The following OSBP2 variants were observed in gnomAD, a reference collection of about 807,000 sequenced individuals.
The protein encoded by OSBP2 is oxysterol binding protein 2.
OSBP2 carries 66 observed loss-of-function variants against 96.0 expected under a neutral mutation model. The ratio of observed to expected loss-of-function variants is 0.69; its 90% CI spans 0.56 to 0.84. OSBP2 has a LOEUF of 0.84. Ranked by LOEUF, OSBP2 falls within the 40% of genes least tolerant of loss-of-function variation. OSBP2 has a pLI of 0.00. For synonymous variants in OSBP2, 525 were observed against 520.9 expected (o/e 1.01, Z -0.11); for missense variants, 1,038 against 1,222.7 (o/e 0.85, Z 2.25).
chr22:30,809,740 G>A (rs2090980886), intron 2 of OSBP2, among the ~76,000 whole-genome samples: 1 of 152,228 alleles, frequency 6.6e-6, no homozygotes, highest in Non-Finnish European at 1.5e-5. Context: ...TAATGTCATG[G>A]AAGATGGATC....
At position 30,858,080 on chromosome 22, in the gene OSBP2, A is replaced by C. The variant is rs186997180; in HGVS notation, c.854-12349A>C. 7.4e-3 allele frequency among the ~76,000 whole-genome samples: 1,117 copies of C among 151,874 alleles called. 10 individuals carry two copies. Among genetic ancestry groups the C allele is most frequent in the Non-Finnish European group, 0.011 (727 of 67,952 alleles). The stretch of plus-strand genomic sequence containing the variant: ...TAGGCCTCGCCAAGGGGGACCAATC[A>C]TGGGGAGAATCACAAGATAATCAGG... On this transcript the variant is annotated intron_variant, in intron 2 of 13. Transcript: ENST00000332585.
chr22:30,815,710 T>C (rs1292575946), intron 2 of OSBP2, among the ~76,000 whole-genome samples: 1 of 152,190 alleles, frequency 6.6e-6, no homozygotes, highest in African/African-American at 2.4e-5. Flanking sequence ...ACATTATAGC[T>C]AACAGTTTCT....
chr22:30,697,282 CT>C (rs894797095), intron 1 of OSBP2, among the ~76,000 whole-genome samples: 1 of 151,846 alleles, frequency 6.6e-6, no homozygotes, highest in Non-Finnish European at 1.5e-5. Flanking sequence ...TGTCCATCTT[CT>C]TTTTTTTATT....
chr22:30,895,755 A>G (rs1008317780), intron 12 of OSBP2, among the ~76,000 whole-genome samples: 9 of 151,986 alleles, frequency 5.9e-5, no homozygotes, highest in Non-Finnish European at 8.8e-5. Flanking sequence ...CCTGGCCAAC[A>G]TGGAGAAACC....
chr22:30,863,477 C>T (rs2039267509), intron 2 of OSBP2, among the ~76,000 whole-genome samples: 1 of 152,122 alleles, frequency 6.6e-6, no homozygotes, highest in South Asian at 2.1e-4. Flanking sequence ...TTTGCATAGC[C>T]AGACTGTGAC....
At chr22:30,747,191 T>G (rs1340527755) in intron 2 of OSBP2, among the ~76,000 whole-genome samples, 1 of 152,180 alleles carries the variant, frequency 6.6e-6, no homozygotes, top group Non-Finnish European at 1.5e-5. Flanking sequence ...GAAAGCAGAC[T>G]AGTGGTTTGT....
At chr22:30,879,208 G>A (rs1438406440) in intron 3 of OSBP2, among the ~76,000 whole-genome samples, 1 of 152,214 alleles carries the variant, frequency 6.6e-6, no homozygotes, top group African/African-American at 2.4e-5. Context: ...TGTCCCTCCG[G>A]GGCCTGTGGG....
chr22:30,720,010 C>T (rs191524297), intron 1 of OSBP2, among the ~76,000 whole-genome samples: 11 of 152,270 alleles, frequency 7.2e-5, no homozygotes, highest in African/African-American at 2.6e-4. Context: ...GCTGATTGTT[C>T]CTTAAACAAC....
intron 2 of OSBP2, among the ~76,000 whole-genome samples, chr22:30,868,175 C>T (rs569320081): frequency 7.9e-5 from 12 of 152,376 alleles, no homozygotes; most frequent in South Asian, 2.1e-4. Flanking sequence ...ACACATCAGC[C>T]GTTAGAGCCT....
intron 2 of OSBP2, among the ~76,000 whole-genome samples, chr22:30,846,795 C>T (rs28819825): frequency 1.5e-3 from 228 of 152,222 alleles, no homozygotes; most frequent in African/African-American, 5.3e-3. Flanking sequence ...CTGGAAGAAA[C>T]CTCACTTAAT....
intron 2 of OSBP2, among the ~76,000 whole-genome samples, chr22:30,751,068 C>A (rs1162112943): frequency 6.6e-6 from 1 of 152,024 alleles, no homozygotes; most frequent in Admixed American, 6.6e-5. Flanking sequence ...AAATCAATTG[C>A]CAATTAGAAA....
intron 1 of OSBP2, among the ~76,000 whole-genome samples, chr22:30,712,081 T>G (rs1218020258): frequency 1.3e-5 from 2 of 152,144 alleles, no homozygotes; most frequent in African/African-American, 4.8e-5. Flanking sequence ...CAATGGCAAG[T>G]GGGTCCATGG....
rs544751584 is a variant in OSBP2 at position 30,730,811 on chromosome 22, T to TATATATATAA, written c.645-10350_645-10349insATATATATAA. ...ATATATATATATATATATATATAAT[T>TATATATATAA]TTTTTTTTTTTTCCCATGGACATTT... On this transcript the variant is annotated intron_variant, in intron 1 of 13. Coordinates refer to ENST00000332585, the MANE Select transcript of OSBP2 (RefSeq NM_030758.4). Among the ~76,000 whole-genome samples, 4 of 69,562 alleles carry TATATATATAA rather than the reference T, an allele frequency of 5.8e-5. 1 individual carries two copies. Among genetic ancestry groups the TATATATATAA allele is most frequent in the African/African-American group, 2.9e-4 (4 of 13,680 alleles). 45.6% of individuals were successfully genotyped at this position (69,562 alleles called of 152,430 possible). A position where few individuals can be genotyped will look rare whatever the true frequency, so the allele number is the denominator to read the frequency against.
intron 2 of OSBP2, among the ~76,000 whole-genome samples, chr22:30,792,893 G>C (rs2090697090): frequency 6.6e-6 from 1 of 152,178 alleles, no homozygotes; most frequent in South Asian, 2.1e-4. Flanking sequence ...TGTGCCTACT[G>C]TGTGCCTGGC....
intron 1 of OSBP2, among the ~76,000 whole-genome samples, chr22:30,732,052 C>G (rs1349937395): frequency 6.6e-6 from 1 of 152,086 alleles, no homozygotes; most frequent in Admixed American, 6.6e-5. Flanking sequence ...GCCTGTAATC[C>G]CAGCACTTTG....
chr22:30,748,355 C>G lies in OSBP2; in HGVS notation c.853+6986C>G, dbSNP rs1031050106. Among the ~76,000 whole-genome samples, 15 of 152,082 alleles carry G rather than the reference C, an allele frequency of 9.9e-5. 1 individual carries two copies. The highest frequency in any genetic ancestry group is 2.1e-4 in the South Asian group (1 of 4,814). ...CAAAGTGCTGGGATTACAGGTGTGA[C>G]CCACTGCACCTGGCCTAAACTAAAA... On this transcript the variant is annotated intron_variant, in intron 2 of 13. Transcript: ENST00000332585.
chr22:30,889,214 G>C lies in OSBP2; in HGVS notation c.1456G>C (p.Asp486His). Residue 486 changes from aspartate (D) to histidine (H), a missense_variant, in exon 6 of 14, where the codon GAC becomes CAC. This residue lies in a region of OSBP2 where 737 missense variants were observed against 913.3 expected (regional missense o/e 0.81). Coordinates refer to ENST00000332585, the MANE Select transcript of OSBP2 (RefSeq NM_030758.4). ...AGGTAGCACCGGGACAAGTTCCGTG[G>C]ACTGGAGCTCAGCAGACAATGTAAG... ...AEGSTGTSSV[D>H]WSSADNVLDG... 1 of 1,613,504 alleles carries C rather than the reference G, an allele frequency of 6.2e-7. No individual in the cohort carries two copies. Among genetic ancestry groups the C allele is most frequent in the Non-Finnish European group, 8.5e-7 (1 of 1,179,918 alleles).
intron 1 of OSBP2, among the ~76,000 whole-genome samples, chr22:30,698,112 A>G (rs1055131384): frequency 1.3e-5 from 2 of 152,304 alleles, no homozygotes; most frequent in Admixed American, 1.3e-4. Context: ...CAGGTCTGTC[A>G]CGTAACCCTG....
At chr22:30,717,661 T>A (rs2089485876) in intron 1 of OSBP2, among the ~76,000 whole-genome samples, 1 of 152,210 alleles carries the variant, frequency 6.6e-6, no homozygotes, top group South Asian at 2.1e-4. Flanking sequence ...GATCCTTAGG[T>A]TGATGACAAA....
Sources: allele counts gnomAD v4.1 joint callset (sites outside exome capture counted in the v4.1 genomes callset), GRCh38; gene constraint gnomAD v4.1.1; regional missense constraint gnomAD v4.1.1; transcripts MANE v1.5; gene names NCBI Gene and HGNC (gene_info 2026-07-23, HGNC 2026-07-21).